The following DPM1 variants were observed in gnomAD, a reference collection of about 807,000 sequenced individuals.
DPM1 encodes the protein dolichyl-phosphate mannosyltransferase subunit 1, catalytic.
DPM1 carries 27 observed loss-of-function variants against 39.0 expected under a neutral mutation model. The ratio of observed to expected loss-of-function variants is 0.69; its 90% CI spans 0.51 to 0.95. The LOEUF (loss-of-function observed/expected upper bound fraction) is 0.95, where lower values mean the gene tolerates loss of function less well. Ranked by LOEUF, DPM1 falls within the 40% of genes least tolerant of loss-of-function variation. The pLI is 0.00. For missense variants in DPM1, 307 were observed against 315.6 expected (o/e 0.97, Z 0.21); for synonymous variants, 124 against 109.0 (o/e 1.14, Z -0.86).
At chr20:50,943,307 T>C (rs1454920504) in intron 5 of DPM1, among the ~76,000 whole-genome samples, 4 of 152,242 alleles carry the variant, frequency 2.6e-5, no homozygotes, top group East Asian at 1.9e-4. Flanking sequence ...GTTGTTTCCA[T>C]GGTGCCCTAC....
chr20:50,958,341 G>T, intron 1 of DPM1, 22 bp downstream of exon 1: 2 of 1,611,644 alleles, frequency 1.2e-6, no homozygotes, highest in Non-Finnish European at 8.5e-7. Context: ...CATTCTTCGG[G>T]GAGGGAGACC....
intron 7 of DPM1, among the ~76,000 whole-genome samples, chr20:50,937,043 CTTT>C (rs75516205): frequency 7.1e-6 from 1 of 140,400 alleles, no homozygotes; most frequent in Non-Finnish European, 1.6e-5. Flanking sequence ...CAGAGTCACA[CTTT>C]TTTTTTTTTT....
chr20:50,939,258 A>G (rs1389583548), intron 7 of DPM1, among the ~76,000 whole-genome samples: 1 of 152,210 alleles, frequency 6.6e-6, no homozygotes, highest in African/African-American at 2.4e-5. Context: ...CAAAACCATC[A>G]AAACTGTGGC....
chr20:50,942,798 A>G (rs1212285826), intron 5 of DPM1, among the ~76,000 whole-genome samples: 1 of 152,250 alleles, frequency 6.6e-6, no homozygotes. Context: ...AAAGACAAAC[A>G]TACACCCCTA....
intron 5 of DPM1, 61 bp from the exon 6 acceptor site, chr20:50,942,187 T>C (rs771845456): frequency 6.7e-4 from 965 of 1,441,004 alleles, no homozygotes; most frequent in Non-Finnish European, 6.2e-4. Flanking sequence ...GTCATTTTCA[T>C]GAGCTACACA....
At chr20:50,937,105 T>A (rs78116321) in intron 7 of DPM1, among the ~76,000 whole-genome samples, 126 of 151,926 alleles carry the variant, frequency 8.3e-4, no homozygotes, top group African/African-American at 2.9e-3. Flanking sequence ...AATTTCTACC[T>A]TTTTTTGTGG....
intron 7 of DPM1, among the ~76,000 whole-genome samples, chr20:50,938,906 G>C (rs531184296): frequency 2.6e-5 from 4 of 152,056 alleles, no homozygotes; most frequent in Non-Finnish European, 4.4e-5. Context: ...TTGAACCTGG[G>C]AGGCGGAGGT....
At chr20:50,957,294 G>A (rs1986877644) in intron 1 of DPM1, among the ~76,000 whole-genome samples, 1 of 152,210 alleles carries the variant, frequency 6.6e-6, no homozygotes, top group Non-Finnish European at 1.5e-5. Context: ...TCTGAAGAAT[G>A]GAGAGTCCAA....
intron 7 of DPM1, among the ~76,000 whole-genome samples, chr20:50,939,052 C>T (rs955346933): frequency 2.6e-5 from 4 of 152,096 alleles, no homozygotes; most frequent in Non-Finnish European, 5.9e-5. Context: ...GTCATTTATA[C>T]AGAACACAGC....
At chr20:50,952,074 A>C (rs1986612906) in intron 2 of DPM1, among the ~76,000 whole-genome samples, 1 of 152,254 alleles carries the variant, frequency 6.6e-6, no homozygotes, top group Non-Finnish European at 1.5e-5. Flanking sequence ...CTGGGTTTGA[A>C]TCCTGGCCAC....
intron 6 of DPM1, among the ~76,000 whole-genome samples, chr20:50,941,501 C>T (rs1985821501): frequency 6.7e-6 from 1 of 150,250 alleles, no homozygotes; most frequent in Non-Finnish European, 1.5e-5. Context: ...CACCTGAGCT[C>T]AGGAGTTCGA....
At chr20:50,941,908 A>G (rs1195942648) in intron 6 of DPM1, 123 bp downstream of exon 6, 1 of 825,774 alleles carries the variant, frequency 1.2e-6, no homozygotes, top group Non-Finnish European at 2.1e-6. Context: ...ATCTGGGAGT[A>G]TTTACTGGAA....
chr20:50,955,079 T>C (rs990933945), intron 2 of DPM1, 107 bp downstream of exon 2: 4 of 950,104 alleles, frequency 4.2e-6, no homozygotes, highest in Non-Finnish European at 6.5e-6. Context: ...TTGCTCTTTA[T>C]CTTTTCAGTT....
chr20:50,947,344 C>G (rs944319115), intron 3 of DPM1, among the ~76,000 whole-genome samples: 1 of 152,234 alleles, frequency 6.6e-6, no homozygotes, highest in African/African-American at 2.4e-5. Flanking sequence ...GCACTCCAGC[C>G]TGGGGATCAG....
In DPM1 at chr20:50,958,368, G is replaced by T; in HGVS notation, c.156C>A (p.Ser52=). ...AGGGAGACCTGGTGCGCTACCTCTCGGAGAAGCTTTTCACCAGCAGCCACA... is the reference window on the plus strand; with the variant it reads ...AGGGAGACCTGGTGCGCTACCTCTCTGAGAAGCTTTTCACCAGCAGCCACA... ...LIVWLLVKSF[S]ESGINYEIII... The change falls in exon 1 of 9, where the codon TCC becomes TCA. Residue 52 remains serine, a synonymous_variant. Transcript: ENST00000371588. 1 of 1,613,604 alleles carries T rather than the reference G, an allele frequency of 6.2e-7. No individual in the cohort carries two copies.
At chr20:50,954,167 A>T (rs1296921497) in intron 2 of DPM1, among the ~76,000 whole-genome samples, 1 of 152,164 alleles carries the variant, frequency 6.6e-6, no homozygotes, top group Admixed American at 6.6e-5. Context: ...ATTTAGACTG[A>T]GTGGCTTTTT....
chr20:50,935,078 G>A lies in DPM1; in HGVS notation c.*54C>T. Reference sequence around the variant, plus strand: ...ACATTTTATACAAATCAGTAACCAGGCTTCTTTCATGTTTAACCTGAAATG... The same window carrying A: ...ACATTTTATACAAATCAGTAACCAGACTTCTTTCATGTTTAACCTGAAATG... On this transcript the variant is annotated 3_prime_UTR_variant, in exon 9 of 9. Coordinates refer to ENST00000371588, the MANE Select transcript of DPM1 (RefSeq NM_003859.3). The A allele has an allele frequency of 9.7e-7, 1 of 1,029,606 alleles. No homozygotes were observed. Among genetic ancestry groups the A allele is most frequent in the South Asian group, 1.3e-5 (1 of 76,504 alleles). The allele number at this position is 1,029,606 out of a possible 1,614,324, so 63.8% of individuals were successfully genotyped here.
At position 50,945,727 on chromosome 20, in the gene DPM1, T is replaced by G; in HGVS notation, c.398+10A>C. 6.5e-7 allele frequency: 1 copy of G among 1,549,380 alleles called. No individual in the cohort carries two copies. Among genetic ancestry groups the G allele is most frequent in the Non-Finnish European group, 8.9e-7 (1 of 1,122,692 alleles). On this transcript the variant is annotated intron_variant, in intron 5 of 8. Transcript: ENST00000371588. The stretch of plus-strand genomic sequence containing the variant: ...TCATATTTCTTTCAAATATTAGAAA[T>G]AGTACCTACCTAATAAATTCAGGAA...
intron 1 of DPM1, among the ~76,000 whole-genome samples, chr20:50,957,013 A>T (rs1986860641): frequency 6.6e-6 from 1 of 152,244 alleles, no homozygotes; most frequent in Admixed American, 6.5e-5. Flanking sequence ...AAAAAAATTA[A>T]AACAGCAAAA....
Sources: gnomAD v4.1 joint callset for allele counts (sites outside exome capture counted in the v4.1 genomes callset) on GRCh38, gnomAD v4.1.1 for gene constraint, MANE v1.5 for transcripts, NCBI Gene and HGNC (gene_info 2026-07-23, HGNC 2026-07-21) for gene names.